Variants in PLCXD3 observed in about 807,000 individuals in gnomAD.
PLCXD3 encodes phosphatidylinositol specific phospholipase C X domain containing 3, also known as PI-PLC X domain-containing protein 3.
Under a neutral mutation model 25.5 loss-of-function variants are expected in PLCXD3, and 19 were observed. The observed-to-expected ratio is 0.75, with a 90% CI of 0.52 to 1.09. The LOEUF is 1.09. Among genes scored for constraint, PLCXD3 ranks in the 50% least tolerant of loss-of-function variants. The pLI, the probability that PLCXD3 is intolerant of heterozygous loss-of-function variation, is 0.00. For missense variants in PLCXD3, 411 were observed against 388.1 expected, an observed-to-expected ratio of 1.06 and a Z score of -0.50; for synonymous variants, 174 against 137.6, an observed-to-expected ratio of 1.26 and a Z score of -1.85.
chr5:41,373,696 TCTTC>T (rs1745194844), intron 2 of PLCXD3, among the ~76,000 whole-genome samples: 1 of 152,144 alleles, frequency 6.6e-6, no homozygotes, highest in Non-Finnish European at 1.5e-5. Flanking sequence ...TTCTTCTTCT[TCTTC>T]TGCTTTCTCA....
At position 41,467,251 on chromosome 5, in the gene PLCXD3, A is replaced by C. The variant is rs554163831; in HGVS notation, c.103+43173T>G. Among the ~76,000 whole-genome samples the C allele has an allele frequency of 2.0e-4, 30 of 152,280 alleles. No homozygotes were observed. In the South Asian group the frequency reaches 5.8e-3, roughly 29 times the overall value. On this transcript the variant is annotated intron_variant, in intron 1 of 2. Transcript: ENST00000377801. ...TCATTTTTGTTAAAGCCATTCTAATAGGTGTGACGTGATATGTCAATGAGG... is the reference window on the plus strand; with the variant it reads ...TCATTTTTGTTAAAGCCATTCTAATCGGTGTGACGTGATATGTCAATGAGG...
chr5:41,398,252 G>A (rs772307282), intron 1 of PLCXD3, among the ~76,000 whole-genome samples: 60 of 152,272 alleles, frequency 3.9e-4, no homozygotes, highest in Non-Finnish European at 7.8e-4. Flanking sequence ...TCATGGGGAT[G>A]GATTTCCCCC....
intron 1 of PLCXD3, among the ~76,000 whole-genome samples, chr5:41,386,780 A>G (rs954621866): frequency 1.3e-5 from 2 of 152,068 alleles, no homozygotes; most frequent in African/African-American, 4.8e-5. Context: ...ACAGCATCTG[A>G]ACAATCAGCA....
intron 1 of PLCXD3, among the ~76,000 whole-genome samples, chr5:41,403,091 G>T (rs1472018909): frequency 6.6e-6 from 1 of 151,636 alleles, no homozygotes; most frequent in African/African-American, 2.4e-5. Flanking sequence ...TTCCTTCTTT[G>T]GGTTAGTTGA....
rs912783078 is a variant in PLCXD3, at chr5:41,308,468, A to G, written c.*5149T>C. 6 of 152,198 alleles carry G rather than the reference A, an allele frequency of 3.9e-5. No homozygotes were observed. The highest frequency in any genetic ancestry group is 1.4e-4 in the African/African-American group (6 of 41,470). The allele number at this position is 152,198 out of a possible 1,614,324, so 9.4% of individuals were successfully genotyped here. ...AAGTTAATTAATATTCTGTAATCAG[A>G]TCCAAGCCCAAAGAAGGTCACAGAA... On this transcript the variant is annotated 3_prime_UTR_variant, in exon 3 of 3. Transcript: ENST00000377801.
At chr5:41,329,992 A>G (rs1160717333) in intron 2 of PLCXD3, among the ~76,000 whole-genome samples, 19 of 152,000 alleles carry the variant, frequency 1.3e-4, no homozygotes, top group Admixed American at 1.2e-3. Context: ...CTCTAAACTT[A>G]TATTTTACAG....
At chr5:41,368,408 T>A (rs1365355465) in intron 2 of PLCXD3, among the ~76,000 whole-genome samples, 1 of 152,186 alleles carries the variant, frequency 6.6e-6, no homozygotes, top group Non-Finnish European at 1.5e-5. Flanking sequence ...TCTGGTGAAG[T>A]TGCTTGTCAG....
chr5:41,455,440 A>T (rs770833502), intron 1 of PLCXD3, among the ~76,000 whole-genome samples: 2 of 151,898 alleles, frequency 1.3e-5, no homozygotes, highest in African/African-American at 4.8e-5. Context: ...AAGAATGCTC[A>T]TGCTGTCTCA....
At chr5:41,415,329 G>A (rs1307619770) in intron 1 of PLCXD3, among the ~76,000 whole-genome samples, 1 of 152,132 alleles carries the variant, frequency 6.6e-6, no homozygotes, top group African/African-American at 2.4e-5. Context: ...GCTGAGCTCA[G>A]TCTCAAGGGT....
intron 2 of PLCXD3, among the ~76,000 whole-genome samples, chr5:41,318,698 A>G (rs1178525607): frequency 6.6e-6 from 1 of 152,092 alleles, no homozygotes; most frequent in African/African-American, 2.4e-5. Context: ...GAAGACCACA[A>G]CACAACCAGA....
Position 41,313,625 on chromosome 5 carries a change from T to A in PLCXD3, c.958A>T (p.Asn320Tyr), listed in dbSNP as rs1443091737. The stretch of plus-strand genomic sequence containing the variant: ...AACTCCAAGTAGTGCTATCAAGTGT[T>A]GGCTTCTCCTTCATCAAAGACATAG... ...LNYVFDEGEANT is the reference protein window; with the variant it reads ...LNYVFDEGEAYT The change falls in exon 3 of 3, where the codon AAC (asparagine) becomes TAC (tyrosine). Residue 320 changes from asparagine (N) to tyrosine (Y), a missense_variant. Asn to Tyr is a moderately radical substitution (Grantham distance 143). Transcript: ENST00000377801. 2 of 1,613,698 alleles carry A rather than the reference T, an allele frequency of 1.2e-6. No individual in the cohort carries two copies. Among genetic ancestry groups the A allele is most frequent in the Admixed American group, 1.7e-5 (1 of 59,990 alleles).
intron 1 of PLCXD3, among the ~76,000 whole-genome samples, chr5:41,495,064 C>T (rs1748804896): frequency 6.6e-6 from 1 of 152,242 alleles, no homozygotes; most frequent in South Asian, 2.1e-4. Context: ...ATCCTGCACT[C>T]CAGATGAGCA....
intron 1 of PLCXD3, among the ~76,000 whole-genome samples, chr5:41,492,554 C>T (rs1313672284): frequency 5.9e-5 from 9 of 152,068 alleles, no homozygotes; most frequent in South Asian, 4.2e-4. Context: ...CCATTCTCCC[C>T]GTCACTTTCA....
chr5:41,464,791 C>T (rs552772165), intron 1 of PLCXD3, among the ~76,000 whole-genome samples: 4 of 152,108 alleles, frequency 2.6e-5, no homozygotes, highest in African/African-American at 7.2e-5. Context: ...ATAGCATATG[C>T]GTGCTGGACT....
At chr5:41,456,251 C>T (rs548636939) in intron 1 of PLCXD3, among the ~76,000 whole-genome samples, 1 of 151,990 alleles carries the variant, frequency 6.6e-6, no homozygotes, top group Non-Finnish European at 1.5e-5. Context: ...AATTCTGGAA[C>T]TCTCCTGGCA....
At position 41,510,475 on chromosome 5, in the gene PLCXD3, T is replaced by A. The variant is rs1429747182; in HGVS notation, c.52A>T (p.Thr18Ser). 3.7e-6 allele frequency: 6 copies of A among 1,612,460 alleles called. No individual in the cohort carries two copies. In the Admixed American group the frequency reaches 6.7e-5, roughly 18 times the overall value. ...ATGCTGTGCATGCTCTCCGGCAGAG[T>A]TGCCATCCAGTCGGCTAATTTCAGC... ...NELKLADWMA[T>S]LPESMHSIPL... The change falls in exon 1 of 3, where the codon ACT becomes TCT. Residue 18 changes from threonine to serine, a missense_variant. Physicochemically the swap from Thr to Ser is moderately conservative, Grantham distance 58. Transcript: ENST00000377801.
intron 2 of PLCXD3, among the ~76,000 whole-genome samples, chr5:41,356,731 C>T (rs1391169031): frequency 6.6e-6 from 1 of 152,172 alleles, no homozygotes; most frequent in Non-Finnish European, 1.5e-5. Flanking sequence ...CTTAACAAAA[C>T]TTCCTGGTGA....
rs185472585 is a variant in PLCXD3, at chr5:41,476,991, A to G, written c.103+33433T>C. ...CATAGATAGTCATGTTTTTCTGTCA[A>G]TGACAATGTTCTTCCCATTTCCTGC... On this transcript the variant is annotated intron_variant, in intron 1 of 2. Transcript: ENST00000377801. Among the ~76,000 whole-genome samples, 326 of 152,292 alleles carry G rather than the reference A, an allele frequency of 2.1e-3. 1 individual carries two copies. Among genetic ancestry groups the G allele is most frequent in the African/African-American group, 6.8e-3 (283 of 41,574 alleles).
At chr5:41,348,300 C>T (rs532134416) in intron 2 of PLCXD3, among the ~76,000 whole-genome samples, 7 of 152,070 alleles carry the variant, frequency 4.6e-5, no homozygotes, top group Admixed American at 1.3e-4. Context: ...TTAGTAATTG[C>T]GCAAAGGTAG....
Sources: gnomAD v4.1 joint callset for allele counts (sites outside exome capture counted in the v4.1 genomes callset) on GRCh38, gnomAD v4.1.1 for gene constraint, MANE v1.5 for transcripts, NCBI Gene and HGNC (gene_info 2026-07-23, HGNC 2026-07-21) for gene names.